The following P2RX1 variants were observed in gnomAD, a reference collection of about 807,000 sequenced individuals.
The protein encoded by P2RX1 is purinergic receptor P2X 1.
P2RX1 carries 42 observed loss-of-function variants against 50.3 expected under a neutral mutation model. The observed-to-expected ratio is 0.83, with a 90% CI of 0.65 to 1.08. The LOEUF (loss-of-function observed/expected upper bound fraction) is 1.08. Ranked by LOEUF, P2RX1 falls within the 50% of genes least tolerant of loss-of-function variation. The pLI, the probability that P2RX1 is intolerant of heterozygous loss-of-function variation, is 0.00. For missense variants in P2RX1, 449 were observed against 529.0 expected, an observed-to-expected ratio of 0.85 and a Z score of 1.48; for synonymous variants, 199 against 202.6, an observed-to-expected ratio of 0.98 and a Z score of 0.15.
chr17:3,904,952 GGGT>G, intron 2 of P2RX1, 23 bp from the exon 3 acceptor site: 1 of 1,282,640 alleles, frequency 7.8e-7, no homozygotes, highest in Admixed American at 2.0e-5. Flanking sequence ...GGCAGGGGGA[GGGT>G]GGGGTGGGCT....
Position 3,903,686 on chromosome 17 carries a change from C to T in P2RX1, c.525-55G>A. On this transcript the variant is annotated intron_variant, in intron 5 of 11. Transcript: ENST00000225538. This position sits in a 1 kb window ranked among gnomAD's most constrained non-coding sequence, Gnocchi z 4.6. ...CTCCCCAGGAGGCCCCCTGTGTGTC[C>T]CACACAGAGCTTGGCACAGCAGGGG... is the stretch of plus-strand genomic sequence containing the variant. 1 of 1,551,098 alleles carries T rather than the reference C, an allele frequency of 6.4e-7. No individual in the cohort carries two copies. The highest frequency in any genetic ancestry group is 8.9e-7 in the Non-Finnish European group (1 of 1,124,184).
chr17:3,902,408 C>T (rs947770709), intron 7 of P2RX1, among the ~76,000 whole-genome samples: 3 of 151,780 alleles, frequency 2.0e-5, no homozygotes, highest in Non-Finnish European at 2.9e-5. Flanking sequence ...ATTCTCCGGT[C>T]TCAGCCTCCC....
chr17:3,906,954 C>A (rs181705674), intron 1 of P2RX1, among the ~76,000 whole-genome samples: 3 of 152,288 alleles, frequency 2.0e-5, no homozygotes, highest in Admixed American at 6.5e-5. Flanking sequence ...AGCAGGGTGG[C>A]TGCAAGACGA....
chr17:3,911,787 A>G (rs918894806), intron 1 of P2RX1, among the ~76,000 whole-genome samples: 4 of 152,060 alleles, frequency 2.6e-5, no homozygotes, highest in Admixed American at 2.0e-4. Context: ...CACCTTCTCT[A>G]TTCCTCTCCG....
At chr17:3,904,219 G>C in intron 4 of P2RX1, 111 bp downstream of exon 4, 1 of 1,187,420 alleles carries the variant, frequency 8.4e-7, no homozygotes, top group Non-Finnish European at 1.2e-6. Flanking sequence ...CCCGGAGGCC[G>C]CCTCGGCGGG....
chr17:3,915,583 C>T (rs2052389833), intron 1 of P2RX1: 1 of 456,892 alleles, frequency 2.2e-6, no homozygotes, highest in Non-Finnish European at 4.4e-6. Context: ...ACCAGGTATT[C>T]AGAATGTGAG....
rs988817487 is a variant in P2RX1 at position 3,903,814 on chromosome 17, C to T, written c.524+114G>A. 48 of 1,116,358 alleles carry T rather than the reference C, an allele frequency of 4.3e-5. No homozygotes were observed. The highest frequency in any genetic ancestry group is 1.4e-4 in the African/African-American group (9 of 65,060). The allele number at this position is 1,116,358 out of a possible 1,614,324, so 69.2% of individuals were successfully genotyped here. ...AGGGGAATCTTCAGCCTAGGTTGCG[C>T]GGATGGGGTGAGGGTGGGGTCAGAA... On this transcript the variant is annotated intron_variant, in intron 5 of 11. Coordinates refer to ENST00000225538, the MANE Select transcript of P2RX1 (RefSeq NM_002558.4). The surrounding 1 kb of genome is among the most constrained non-coding windows in gnomAD (Gnocchi z 4.6).
chr17:3,911,777 C>A (rs1462176569), intron 1 of P2RX1, among the ~76,000 whole-genome samples: 1 of 152,242 alleles, frequency 6.6e-6, no homozygotes, highest in African/African-American at 2.4e-5. Flanking sequence ...GTCCCAGTGA[C>A]ACCTTCTCTA....
chr17:3,896,811 G>A lies in P2RX1; in HGVS notation c.*1003C>T, dbSNP rs1647851621. Reference sequence around the variant, plus strand: ...TTGGAGAGAAGCCTTTCCCTATGGAGGTGACATGGCACGGACCATGTGTGT... The same window carrying A: ...TTGGAGAGAAGCCTTTCCCTATGGAAGTGACATGGCACGGACCATGTGTGT... On this transcript the variant is annotated 3_prime_UTR_variant, in exon 12 of 12. Transcript: ENST00000225538. 1 of 152,340 alleles carries A rather than the reference G, an allele frequency of 6.6e-6. No homozygotes were observed. The allele number at this position is 152,340 out of a possible 1,614,324, so 9.4% of individuals were successfully genotyped here. A position where few individuals can be genotyped will look rare whatever the true frequency, so the allele number is the denominator to read the frequency against.
chr17:3,905,101 T>C, intron 2 of P2RX1, 119 bp downstream of exon 2: 1 of 1,405,398 alleles, frequency 7.1e-7, no homozygotes, highest in East Asian at 2.4e-5. Flanking sequence ...CTGCCCGGCA[T>C]TCACAGAGGT....
chr17:3,902,559 G>A (rs2056169694), intron 7 of P2RX1, among the ~76,000 whole-genome samples: 2 of 151,766 alleles, frequency 1.3e-5, no homozygotes, highest in African/African-American at 4.8e-5. Flanking sequence ...GCCTCTCAAA[G>A]TGCTGGGATT....
intron 3 of P2RX1, 172 bp downstream of exon 3, chr17:3,904,686 C>T (rs1353675939): frequency 7.7e-6 from 5 of 649,236 alleles, no homozygotes; most frequent in Admixed American, 2.3e-5. Context: ...CGGGAAGGCT[C>T]AGCTCTGCAA....
chr17:3,899,519 G>T, intron 8 of P2RX1, 115 bp downstream of exon 8: 1 of 1,417,650 alleles, frequency 7.1e-7, no homozygotes, highest in South Asian at 1.2e-5. Context: ...AATGAGAGCT[G>T]CCCAGGACCC....
Position 3,897,346 on chromosome 17 carries a change from C to T in P2RX1, c.*468G>A, listed in dbSNP as rs1053405555. On this transcript the variant is annotated 3_prime_UTR_variant, in exon 12 of 12. Transcript: ENST00000225538. ...TCCAGTATGGCAGCCACTAACCACA[C>T]GTATCTACTGAGCAGTTGAAATGTG... 5.8e-5 allele frequency: 14 copies of T among 240,696 alleles called. No homozygotes were observed. Among genetic ancestry groups the T allele is most frequent in the African/African-American group, 3.1e-4 (14 of 45,102 alleles). 14.9% of individuals were successfully genotyped at this position (240,696 alleles called of 1,614,324 possible).
intron 4 of P2RX1, 73 bp from the exon 5 acceptor site, chr17:3,904,097 C>G: frequency 7.9e-7 from 1 of 1,269,070 alleles, no homozygotes; most frequent in Non-Finnish European, 1.1e-6. Context: ...TCTCCAGGAG[C>G]TCCCAGTGAC....
chr17:3,907,550 C>T (rs1031268344), intron 1 of P2RX1, among the ~76,000 whole-genome samples: 11 of 152,074 alleles, frequency 7.2e-5, no homozygotes, highest in African/African-American at 2.7e-4. Context: ...TGCTGCAGGC[C>T]CCAGGGAGGC....
At chr17:3,905,130 T>G in intron 2 of P2RX1, 90 bp downstream of exon 2, 1 of 1,528,868 alleles carries the variant, frequency 6.5e-7, no homozygotes. Context: ...AAAGAGGAGC[T>G]GGGCTGGTCC....
chr17:3,900,927 G>A (rs967355826), intron 7 of P2RX1, among the ~76,000 whole-genome samples: 8 of 152,158 alleles, frequency 5.3e-5, no homozygotes, highest in African/African-American at 1.9e-4. Flanking sequence ...TCCTCTGGGC[G>A]AGGCGAGTAA....
chr17:3,915,085 G>A (rs2056426327), intron 1 of P2RX1, among the ~76,000 whole-genome samples: 1 of 152,218 alleles, frequency 6.6e-6, no homozygotes, highest in South Asian at 2.1e-4. Context: ...AAATGGGGAG[G>A]GTAGAGCTCT....
Sources: allele counts gnomAD v4.1 joint callset (sites outside exome capture counted in the v4.1 genomes callset), GRCh38; gene constraint gnomAD v4.1.1; non-coding constraint Gnocchi (gnomAD v3.1); transcripts MANE v1.5; gene names NCBI Gene and HGNC (gene_info 2026-07-23, HGNC 2026-07-21).